FGGY: variants seen among roughly 807,000 people sequenced by gnomAD.
FGGY encodes FGGY carbohydrate kinase domain-containing protein.
In FGGY, 72 loss-of-function variants were observed where a neutral mutation model predicts 71.3. The ratio of observed to expected loss-of-function variants is 1.01; its 90% CI spans 0.84 to 1.23. The LOEUF (loss-of-function observed/expected upper bound fraction) is 1.23. Ranked by LOEUF, FGGY falls within the 50% of genes most tolerant of loss-of-function variation. The probability of loss-of-function intolerance (pLI) is 0.00; values close to 1 mark genes in which losing one functional copy is unlikely to be tolerated. For missense variants in FGGY, 668 were observed against 682.3 expected, an observed-to-expected ratio of 0.98 and a Z score of 0.23; for synonymous variants, 251 against 250.3, an observed-to-expected ratio of 1.00 and a Z score of -0.02.
chr1:59,641,113 G>A (rs2097021456), intron 11 of FGGY, among the ~76,000 whole-genome samples: 1 of 151,006 alleles, frequency 6.6e-6, no homozygotes, highest in African/African-American at 2.5e-5. Flanking sequence ...TGGGAAGGGG[G>A]TTTGAGGCCA....
chr1:59,557,072 TCTC>T (rs1190794978), intron 8 of FGGY, among the ~76,000 whole-genome samples: 1 of 152,010 alleles, frequency 6.6e-6, no homozygotes, highest in East Asian at 1.9e-4. Context: ...GTGCCTTTGA[TCTC>T]CTCAGGTGCT....
At chr1:59,347,433 A>G (rs1182879054) in intron 4 of FGGY, among the ~76,000 whole-genome samples, 1 of 151,994 alleles carries the variant, frequency 6.6e-6, no homozygotes, top group South Asian at 2.1e-4. Flanking sequence ...TGAACTCATC[A>G]TTTTTTATGG....
chr1:59,348,396 C>G (rs995844303), intron 4 of FGGY, among the ~76,000 whole-genome samples: 40 of 152,184 alleles, frequency 2.6e-4, no homozygotes, highest in African/African-American at 8.7e-4. Context: ...CTGGTCAAAG[C>G]ACTTGCAGGT....
At chr1:59,670,485 C>G (rs1237374470) in intron 13 of FGGY, among the ~76,000 whole-genome samples, 4 of 152,198 alleles carry the variant, frequency 2.6e-5, no homozygotes, top group Non-Finnish European at 5.9e-5. Context: ...CAGATCAGCT[C>G]TGTGACTTTG....
rs151219153 is a variant in FGGY at position 59,344,850 on chromosome 1, C to T, written c.314-1397C>T. Reference sequence around the variant, plus strand: ...TTTAAAAAAATATATTTTCAATCCACGGTTGGTTGAATCCACAGATGCAGA... The same window carrying T: ...TTTAAAAAAATATATTTTCAATCCATGGTTGGTTGAATCCACAGATGCAGA... On this transcript the variant is annotated intron_variant, in intron 3 of 15. Transcript: ENST00000303721. 6.6e-5 allele frequency among the ~76,000 whole-genome samples: 10 copies of T among 152,234 alleles called. No homozygotes were observed. In the South Asian group the frequency reaches 8.3e-4, roughly 13 times the overall value.
At chr1:59,426,158 C>T (rs560183890) in intron 5 of FGGY, among the ~76,000 whole-genome samples, 27 of 152,274 alleles carry the variant, frequency 1.8e-4, no homozygotes, top group African/African-American at 6.5e-4. Flanking sequence ...ACCTGAGCTT[C>T]CAGCACCACC....
intron 7 of FGGY, among the ~76,000 whole-genome samples, chr1:59,537,694 A>T (rs963643969): frequency 7.9e-5 from 12 of 152,008 alleles, no homozygotes; most frequent in African/African-American, 2.7e-4. Flanking sequence ...ATAACGCCGC[A>T]TATCTACAAC....
In FGGY at chr1:59,491,141, T is replaced by C. The variant is rs6678504; in HGVS notation, c.671-21170T>C. Reference sequence around the variant, plus strand: ...CTCCTTCCTTCCTTCCTTCCTTCCTTCCTTTCTCTCTTTCTCTCTTTTTTT... The same window carrying C: ...CTCCTTCCTTCCTTCCTTCCTTCCTCCCTTTCTCTCTTTCTCTCTTTTTTT... On this transcript the variant is annotated intron_variant, in intron 6 of 15. Coordinates refer to ENST00000303721, the MANE Select transcript of FGGY (RefSeq NM_018291.5). Among the ~76,000 whole-genome samples, 9 of 35,344 alleles carry C rather than the reference T, an allele frequency of 2.5e-4. 2 individuals carry two copies. Among genetic ancestry groups the C allele is most frequent in the African/African-American group, 7.8e-4 (4 of 5,134 alleles). The allele number at this position is 35,344 out of a possible 152,430, so 23.2% of individuals were successfully genotyped here.
chr1:59,716,049 A>G (rs528403301), intron 14 of FGGY, among the ~76,000 whole-genome samples: 64 of 152,336 alleles, frequency 4.2e-4, no homozygotes, highest in Admixed American at 2.9e-3. Context: ...GCTTTAAATT[A>G]TCTCAACTTA....
rs544797127 is a variant in FGGY at position 59,596,716 on chromosome 1, TGGGAA to T, written c.904-11086_904-11082del. ...GCAGTGGCTTCCAGGCACCCAGGCC[TGGGAA>T]AGATTCACAGGCCTAGTCCAGACCT... On this transcript the variant is annotated intron_variant, in intron 8 of 15. Transcript: ENST00000303721. 2.2e-3 allele frequency among the ~76,000 whole-genome samples: 330 copies of T among 152,256 alleles called. 4 individuals are homozygous for T. The highest frequency in any genetic ancestry group is 5.1e-4 in the Non-Finnish European group (35 of 68,020).
In FGGY at chr1:59,499,299, G is replaced by GTTTGTTTTTTT. The variant is rs774954925; in HGVS notation, c.671-13009_671-13008insGTTTTTTTTTT. Among the ~76,000 whole-genome samples the GTTTGTTTTTTT allele has an allele frequency of 4.7e-4, 50 of 105,820 alleles. 1 individual carries two copies. The highest frequency in any genetic ancestry group is 1.9e-3 in the African/African-American group (48 of 25,478). The allele number at this position is 105,820 out of a possible 152,430, so 69.4% of individuals were successfully genotyped here. A position where few individuals can be genotyped will look rare whatever the true frequency, so the allele number is the denominator to read the frequency against. On this transcript the variant is annotated intron_variant, in intron 6 of 15. Transcript: ENST00000303721. ...ACTGAACCCTATGTATACTATGTTT[G>GTTTGTTTTTTT]TTTTTTTTTTTTTTTTGATCTGGTA...
intron 8 of FGGY, among the ~76,000 whole-genome samples, chr1:59,603,979 A>C (rs2096600500): frequency 6.6e-6 from 1 of 152,254 alleles, no homozygotes. Flanking sequence ...TCTCTGCCTC[A>C]GTCTACATAT....
At chr1:59,481,181 A>G (rs1213955660) in intron 6 of FGGY, among the ~76,000 whole-genome samples, 6 of 152,234 alleles carry the variant, frequency 3.9e-5, no homozygotes, top group Non-Finnish European at 7.3e-5. Context: ...AACATTTTAA[A>G]CAAGGAAATG....
At chr1:59,394,280 A>G (rs1028852503) in intron 5 of FGGY, among the ~76,000 whole-genome samples, 3 of 152,174 alleles carry the variant, frequency 2.0e-5, no homozygotes, top group African/African-American at 7.2e-5. Flanking sequence ...AAATATCACT[A>G]TTGTACTTAA....
chr1:59,681,646 T>G (rs990116056), intron 14 of FGGY, among the ~76,000 whole-genome samples: 1 of 152,206 alleles, frequency 6.6e-6, no homozygotes, highest in Admixed American at 6.5e-5. Context: ...AGAAATAGGT[T>G]TTTTTTCTTT....
chr1:59,571,115 A>G (rs2095977981), intron 8 of FGGY, among the ~76,000 whole-genome samples: 1 of 152,176 alleles, frequency 6.6e-6, no homozygotes, highest in Admixed American at 6.5e-5. Flanking sequence ...GATGCTTAAT[A>G]TGTACTCTGT....
rs1479151768 is a variant in FGGY, at chr1:59,536,313, G to A, written c.800-17811G>A. On this transcript the variant is annotated intron_variant, in intron 7 of 15. Transcript: ENST00000303721. Reference sequence around the variant, plus strand: ...GAATCTCTGAATAGACCAATAACAGGCTCTGAAATTGTGTCAATAATCAAT... The same window carrying A: ...GAATCTCTGAATAGACCAATAACAGACTCTGAAATTGTGTCAATAATCAAT... Among the ~76,000 whole-genome samples, 6 of 152,202 alleles carry A rather than the reference G, an allele frequency of 3.9e-5. No homozygotes were observed. In the East Asian group the frequency reaches 1.2e-3, roughly 29 times the overall value.
At chr1:59,408,253 G>A (rs1022842426) in intron 5 of FGGY, among the ~76,000 whole-genome samples, 3 of 152,140 alleles carry the variant, frequency 2.0e-5, no homozygotes, top group African/African-American at 7.2e-5. Context: ...CACCCAGTAA[G>A]TTCTCTCTTT....
intron 4 of FGGY, among the ~76,000 whole-genome samples, chr1:59,369,694 C>T (rs1190406437): frequency 2.0e-5 from 3 of 151,964 alleles, no homozygotes; most frequent in Admixed American, 1.3e-4. Flanking sequence ...CTCACACGGC[C>T]GGATACTCCT....
Sources: gnomAD v4.1 joint callset for allele counts (sites outside exome capture counted in the v4.1 genomes callset) on GRCh38, gnomAD v4.1.1 for gene constraint, MANE v1.5 for transcripts, NCBI Gene and HGNC (gene_info 2026-07-23, HGNC 2026-07-21) for gene names.